Variants in EPHX1 observed in about 807,000 individuals in gnomAD.
The protein encoded by EPHX1 is epoxide hydratase.
In EPHX1, 40 loss-of-function variants were observed where a neutral mutation model predicts 43.2. That is an observed-to-expected ratio of 0.93 (90% CI 0.72 to 1.21). EPHX1 has a LOEUF of 1.21. EPHX1 is among the 50% of genes most tolerant of loss of function. EPHX1 has a pLI of 0.00. For missense variants in EPHX1, 550 were observed against 570.4 expected, an observed-to-expected ratio of 0.96 and a Z score of 0.36; for synonymous variants, 221 against 226.7, an observed-to-expected ratio of 0.98 and a Z score of 0.22.
At chr1:225,814,090 A>C (rs1666610480) in intron 1 of EPHX1, among the ~76,000 whole-genome samples, 2 of 152,332 alleles carry the variant, frequency 1.3e-5, no homozygotes, top group Middle Eastern at 3.4e-3. Flanking sequence ...TCTGAGCTTC[A>C]TTTTTAATTC....
In EPHX1 at chr1:225,845,491, A is replaced by G. The variant is rs1668899622; in HGVS notation, c.*144A>G. 3 of 779,630 alleles carry G rather than the reference A, an allele frequency of 3.8e-6. No individual in the cohort carries two copies. Among genetic ancestry groups the G allele is most frequent in the Non-Finnish European group, 6.2e-6 (3 of 484,318 alleles). The allele number at this position is 779,630 out of a possible 1,614,324, so 48.3% of individuals were successfully genotyped here. On this transcript the variant is annotated 3_prime_UTR_variant, in exon 9 of 9. Coordinates refer to ENST00000272167, the MANE Select transcript of EPHX1 (RefSeq NM_001136018.4). ...CCCACGCTCACCCCCTCACCCCTCCAAGCTCACTCCCCAACCCCCAACTCC... is the reference window on the plus strand; with the variant it reads ...CCCACGCTCACCCCCTCACCCCTCCGAGCTCACTCCCCAACCCCCAACTCC...
At chr1:225,818,278 A>G (rs1043551177) in intron 1 of EPHX1, among the ~76,000 whole-genome samples, 1 of 152,242 alleles carries the variant, frequency 6.6e-6, no homozygotes, top group Admixed American at 6.5e-5. Context: ...TTAAGCTTCT[A>G]CTAGAATGCC....
intron 1 of EPHX1, among the ~76,000 whole-genome samples, chr1:225,815,628 G>A (rs555416528): frequency 1.3e-5 from 2 of 152,242 alleles, no homozygotes; most frequent in South Asian, 4.1e-4. Flanking sequence ...AGTCTTTTGG[G>A]ACTTTTAAAC....
chr1:225,838,709 C>G lies in EPHX1; in HGVS notation c.420C>G (p.Thr140=). ...CCCCCCAGCTGCCCGCAGGCCATAC[C>G]CCGAAGCCCTTGCTGATGGTGCACG... is the stretch of plus-strand genomic sequence containing the variant. ...VKPPQLPAGH[T]PKPLLMVHGW... Residue 140 remains threonine (T), a synonymous_variant, in exon 4 of 9, where the codon ACC becomes ACG. Transcript: ENST00000272167. 1 of 1,614,144 alleles carries G rather than the reference C, an allele frequency of 6.2e-7. No homozygotes were observed.
chr1:225,840,371 T>C (rs1164771640), intron 6 of EPHX1, among the ~76,000 whole-genome samples: 1 of 152,090 alleles, frequency 6.6e-6, no homozygotes, highest in African/African-American at 2.4e-5. Flanking sequence ...AGTGGGCAGC[T>C]CTGGGGCTGC....
rs773449387 is a variant in EPHX1, at chr1:225,839,908, T to C, written c.802T>C (p.Phe268Leu). The change falls in exon 6 of 9, where the codon TTC becomes CTC. Residue 268 changes from phenylalanine to leucine, a missense_variant. By Grantham distance (22) the Phe-to-Leu change is conservative (BLOSUM62 0). Coordinates refer to ENST00000272167, the MANE Select transcript of EPHX1 (RefSeq NM_001136018.4). The stretch of plus-strand genomic sequence containing the variant: ...CCTGACCCTCCTCCTGGGACAGCGT[T>C]TCGGGAGGTTTCTTGGCCTCACTGA... ...STLTLLLGQRFGRFLGLTERD... is the reference protein window; with the variant it reads ...STLTLLLGQRLGRFLGLTERD... 23 of 1,614,116 alleles carry C rather than the reference T, an allele frequency of 1.4e-5. No individual in the cohort carries two copies. The highest frequency in any genetic ancestry group is 5.0e-5 in the Admixed American group (3 of 60,012).
intron 1 of EPHX1, among the ~76,000 whole-genome samples, chr1:225,818,593 C>T (rs1044009730): frequency 6.6e-6 from 1 of 152,054 alleles, no homozygotes; most frequent in Admixed American, 6.6e-5. Flanking sequence ...ACTGAAAGAT[C>T]GGGGGGCAGC....
intron 3 of EPHX1, among the ~76,000 whole-genome samples, chr1:225,835,966 G>A (rs1667941942): frequency 1.3e-5 from 2 of 152,132 alleles, no homozygotes; most frequent in Admixed American, 6.5e-5. Context: ...CCTGCCCGGG[G>A]CTGGAGGCCT....
At chr1:225,826,810 C>T (rs375331378) in intron 1 of EPHX1, among the ~76,000 whole-genome samples, 1 of 151,502 alleles carries the variant, frequency 6.6e-6, no homozygotes, top group Non-Finnish European at 1.5e-5. Context: ...GGGGAGGGGG[C>T]GAGGCACACA....
At chr1:225,830,181 AC>A (rs1202992114) in intron 2 of EPHX1, among the ~76,000 whole-genome samples, 3 of 152,166 alleles carry the variant, frequency 2.0e-5, no homozygotes, top group Non-Finnish European at 2.9e-5. Context: ...GCTGGGCTAA[AC>A]CCAAGAGCAA....
At chr1:225,822,406 T>G (rs1456442782) in intron 1 of EPHX1, among the ~76,000 whole-genome samples, 1 of 152,198 alleles carries the variant, frequency 6.6e-6, no homozygotes, top group Non-Finnish European at 1.5e-5. Context: ...TTGTCAGTAT[T>G]CTGGAAAAGT....
At chr1:225,819,739 C>T (rs114538316) in intron 1 of EPHX1, among the ~76,000 whole-genome samples, 1,786 of 152,238 alleles carry the variant, frequency 0.012, 34 homozygotes, top group African/African-American at 0.041. Context: ...TTCAGATGCA[C>T]TGGAGAAAAT....
At chr1:225,839,624 G>A (rs952411291) in intron 5 of EPHX1, among the ~76,000 whole-genome samples, 1 of 152,102 alleles carries the variant, frequency 6.6e-6, no homozygotes, top group East Asian at 1.9e-4. Context: ...CTCTGGGATA[G>A]CCCTGAGCAG....
chr1:225,842,840 G>A (rs950384387), intron 7 of EPHX1, among the ~76,000 whole-genome samples: 3 of 152,232 alleles, frequency 2.0e-5, no homozygotes, highest in Non-Finnish European at 4.4e-5. Flanking sequence ...TCAGGGTCAC[G>A]TGACTGCGTG....
intron 2 of EPHX1, among the ~76,000 whole-genome samples, chr1:225,831,553 A>T (rs1667594635): frequency 8.8e-6 from 1 of 114,262 alleles, no homozygotes; most frequent in South Asian, 3.4e-4. Flanking sequence ...TCTCAAAAAA[A>T]AAAAAAGAAA....
At position 225,817,875 on chromosome 1, in the gene EPHX1, C is replaced by T. The variant is rs373075006; in HGVS notation, c.-6+7706C>T. Among the ~76,000 whole-genome samples the T allele has an allele frequency of 1.4e-4, 22 of 152,340 alleles. No individual in the cohort carries two copies. Among genetic ancestry groups the T allele is most frequent in the African/African-American group, 5.1e-4 (21 of 41,576 alleles). ...GTCATGGCCGGCTAGCACTTTACTGCGATTTTAGGAGCACTTTCTTGTGGT... is the reference window on the plus strand; with the variant it reads ...GTCATGGCCGGCTAGCACTTTACTGTGATTTTAGGAGCACTTTCTTGTGGT... On this transcript the variant is annotated intron_variant, in intron 1 of 8. Transcript: ENST00000272167. The surrounding 1 kb of genome is among the most constrained non-coding windows in gnomAD (Gnocchi z 5.7).
At chr1:225,826,771 A>C (rs959609341) in intron 1 of EPHX1, among the ~76,000 whole-genome samples, 3 of 152,056 alleles carry the variant, frequency 2.0e-5, no homozygotes, top group Non-Finnish European at 4.4e-5. Flanking sequence ...CTCCATAATC[A>C]CATGTGGGGT....
intron 3 of EPHX1, among the ~76,000 whole-genome samples, chr1:225,832,822 T>C (rs1225110358): frequency 6.6e-6 from 1 of 152,266 alleles, no homozygotes; most frequent in African/African-American, 2.4e-5. Context: ...GCATTTTTTA[T>C]GCGGTACTTA....
chr1:225,826,290 G>T (rs546035918), intron 1 of EPHX1, among the ~76,000 whole-genome samples: 1 of 151,844 alleles, frequency 6.6e-6, no homozygotes, highest in Non-Finnish European at 1.5e-5. Context: ...ATGGTGAAAC[G>T]CTGTCTTTAC....
Sources: gnomAD v4.1 joint callset for allele counts (sites outside exome capture counted in the v4.1 genomes callset) on GRCh38, gnomAD v4.1.1 for gene constraint, Gnocchi (gnomAD v3.1) non-coding constraint, MANE v1.5 for transcripts, NCBI Gene and HGNC (gene_info 2026-07-23, HGNC 2026-07-21) for gene names.